CENPP: variants seen among roughly 807,000 people sequenced by gnomAD.
The protein encoded by CENPP is centromere protein P.
Under a neutral mutation model 35.6 loss-of-function variants are expected in CENPP, and 24 were observed. The ratio of observed to expected loss-of-function variants is 0.67; its 90% CI spans 0.49 to 0.95. CENPP has a LOEUF of 0.95. Among genes scored for constraint, CENPP ranks in the 40% least tolerant of loss-of-function variants. CENPP has a pLI of 0.00. For synonymous variants in CENPP, 120 were observed against 125.5 expected (o/e 0.96, Z 0.29); for missense variants, 332 against 345.3 (o/e 0.96, Z 0.31).
At chr9:92,409,817 TTA>T in intron 5 of CENPP, among the ~76,000 whole-genome samples, 1 of 152,326 alleles carries the variant, frequency 6.6e-6, no homozygotes, top group Admixed American at 6.5e-5. Context: ...ATTAACTGGT[TTA>T]GTCTGTAGCT....
chr9:92,579,710 A>G (rs193283776), intron 5 of CENPP, among the ~76,000 whole-genome samples: 1,769 of 144,352 alleles, frequency 0.012, 14 homozygotes, highest in Non-Finnish European at 0.019. Context: ...GGCTGAGACA[A>G]TGGGGTTTTC....
intron 5 of CENPP, among the ~76,000 whole-genome samples, chr9:92,551,952 T>A (rs1320422989): frequency 8.8e-6 from 1 of 113,858 alleles, no homozygotes; most frequent in Non-Finnish European, 1.8e-5. Flanking sequence ...TATATATATA[T>A]GATATATATA....
intron 1 of CENPP, among the ~76,000 whole-genome samples, chr9:92,330,063 T>C (rs762729856): frequency 6.6e-6 from 1 of 152,168 alleles, no homozygotes; most frequent in African/African-American, 2.4e-5. Context: ...TGTGTAGAGA[T>C]GGTATAAGGT....
At chr9:92,514,813 T>C in intron 5 of CENPP, 1 of 1,612,928 alleles carries the variant, frequency 6.2e-7, no homozygotes, top group Non-Finnish European at 8.5e-7. Context: ...TCTTACCGGG[T>C]CCTCCTCGTC....
chr9:92,463,742 G>A (rs1209701540), intron 5 of CENPP, among the ~76,000 whole-genome samples: 5 of 152,158 alleles, frequency 3.3e-5, no homozygotes, highest in African/African-American at 1.2e-4. Flanking sequence ...TTCTAAAATG[G>A]GAAGGTAAAT....
At chr9:92,416,734 A>G in intron 5 of CENPP, 1 of 1,613,610 alleles carries the variant, frequency 6.2e-7, no homozygotes, top group South Asian at 1.1e-5. Context: ...GATTAAAAAT[A>G]TTATATGGGA....
intron 5 of CENPP, among the ~76,000 whole-genome samples, chr9:92,452,831 G>A (rs1162025804): frequency 2.0e-5 from 3 of 151,894 alleles, no homozygotes; most frequent in Non-Finnish European, 2.9e-5. Context: ...GTCTTGGGAG[G>A]GTGTATGTGT....
chr9:92,570,358 C>G (rs992234913), intron 5 of CENPP, among the ~76,000 whole-genome samples: 1 of 152,108 alleles, frequency 6.6e-6, no homozygotes, highest in Non-Finnish European at 1.5e-5. Flanking sequence ...GTCTTTAGTT[C>G]TGTTTATATG....
At chr9:92,442,651 C>G (rs965434137) in intron 5 of CENPP, among the ~76,000 whole-genome samples, 2 of 151,778 alleles carry the variant, frequency 1.3e-5, no homozygotes, top group Non-Finnish European at 2.9e-5. Flanking sequence ...TCAAGACCAT[C>G]CTGGCTAAAA....
chr9:92,573,914 TCTC>T (rs1051581100), intron 5 of CENPP, among the ~76,000 whole-genome samples: 7 of 152,258 alleles, frequency 4.6e-5, no homozygotes, highest in African/African-American at 1.7e-4. Context: ...CGGGATGTAA[TCTC>T]CTGGTGTGCC....
At position 92,613,243 on chromosome 9, in the gene CENPP, C is replaced by A; in HGVS notation, c.*94C>A. On this transcript the variant is annotated 3_prime_UTR_variant, in exon 8 of 8. Coordinates refer to ENST00000375587, the MANE Select transcript of CENPP (RefSeq NM_001012267.3). The stretch of plus-strand genomic sequence containing the variant: ...CATTTGCTATTTTCTGCTTAGAAAC[C>A]ACACCCTGAAGACGTGCTGTCTATG... 1 of 1,488,234 alleles carries A rather than the reference C, an allele frequency of 6.7e-7. No individual in the cohort carries two copies. Among genetic ancestry groups the A allele is most frequent in the Non-Finnish European group, 9.3e-7 (1 of 1,072,686 alleles). 92.2% of individuals were successfully genotyped at this position (1,488,234 alleles called of 1,614,324 possible).
chr9:92,430,649 C>G (rs998157302), intron 5 of CENPP, among the ~76,000 whole-genome samples: 19 of 152,130 alleles, frequency 1.2e-4, no homozygotes, highest in African/African-American at 4.1e-4. Flanking sequence ...AGCCACCACG[C>G]CTGGACAAGT....
chr9:92,334,394 C>T (rs967629993), intron 2 of CENPP, among the ~76,000 whole-genome samples: 1 of 152,142 alleles, frequency 6.6e-6, no homozygotes, highest in African/African-American at 2.4e-5. Context: ...GCTGGGATTA[C>T]AGGTGTGAGC....
At chr9:92,444,403 C>T (rs936840715) in intron 5 of CENPP, among the ~76,000 whole-genome samples, 3 of 149,260 alleles carry the variant, frequency 2.0e-5, no homozygotes, top group Non-Finnish European at 4.4e-5. Context: ...AGTCCCTTAT[C>T]GATAGATATG....
intron 4 of CENPP, among the ~76,000 whole-genome samples, chr9:92,370,762 G>A (rs1841988637): frequency 2.0e-5 from 3 of 152,174 alleles, no homozygotes; most frequent in African/African-American, 4.8e-5. Context: ...GATCACAGGC[G>A]TGAGCCACCA....
chr9:92,495,458 T>G (rs1418569056), intron 5 of CENPP: 1 of 984,992 alleles, frequency 1.0e-6, no homozygotes, highest in Non-Finnish European at 1.2e-6. Flanking sequence ...TGGTGCAAAA[T>G]TTTTCAAAAA....
chr9:92,516,692 T>A (rs1276531755), intron 5 of CENPP: 1 of 152,202 alleles, frequency 6.6e-6, no homozygotes, highest in Non-Finnish European at 1.5e-5. Context: ...TCTGAAAAAA[T>A]TTCTGAGAAT....
intron 5 of CENPP, among the ~76,000 whole-genome samples, chr9:92,579,967 A>G (rs1383461755): frequency 2.7e-5 from 4 of 148,374 alleles, no homozygotes; most frequent in Non-Finnish European, 5.9e-5. Flanking sequence ...TTATTTTGAG[A>G]TACGTCCCAT....
intron 5 of CENPP, chr9:92,474,828 T>C: frequency 6.2e-7 from 1 of 1,613,888 alleles, no homozygotes; most frequent in Non-Finnish European, 8.5e-7. Context: ...TTCAGTGCGA[T>C]GTGTGAAGGG....
Sources: gnomAD v4.1 joint callset for allele counts (sites outside exome capture counted in the v4.1 genomes callset) on GRCh38, gnomAD v4.1.1 for gene constraint, MANE v1.5 for transcripts, NCBI Gene and HGNC (gene_info 2026-07-23, HGNC 2026-07-21) for gene names.